Variants in KIAA1217 observed in about 807,000 individuals in gnomAD.
KIAA1217 encodes sickle tail protein homolog.
KIAA1217 carries 88 observed loss-of-function variants against 163.9 expected under a neutral mutation model. That is an observed-to-expected ratio of 0.54 (90% CI 0.45 to 0.64). KIAA1217 has a LOEUF of 0.64. KIAA1217 is among the 30% of genes least tolerant of loss of function. The pLI is 0.00. For missense variants in KIAA1217, 2,372 were observed against 2,475.0 expected, an observed-to-expected ratio of 0.96 and a Z score of 0.88; for synonymous variants, 903 against 923.1, an observed-to-expected ratio of 0.98 and a Z score of 0.39.
Position 24,546,925 on chromosome 10 carries a change from C to T in KIAA1217, c.*601C>T, listed in dbSNP as rs111565805. ...TAAAACCAATGAACTTCTACATGAG[C>T]CCTACAGACAGGCATGTGTAGAAGG... On this transcript the variant is annotated 3_prime_UTR_variant, in exon 21 of 21. Coordinates refer to ENST00000376454, the MANE Select transcript of KIAA1217 (RefSeq NM_019590.5). 9.2e-5 allele frequency: 14 copies of T among 152,670 alleles called. No individual in the cohort carries two copies. The highest frequency in any genetic ancestry group is 3.1e-4 in the African/African-American group (13 of 41,526). The allele number at this position is 152,670 out of a possible 1,614,324, so 9.5% of individuals were successfully genotyped here. A position where few individuals can be genotyped will look rare whatever the true frequency, so the allele number is the denominator to read the frequency against.
intron 2 of KIAA1217, among the ~76,000 whole-genome samples, chr10:24,063,068 A>C (rs1357205930): frequency 4.0e-5 from 6 of 150,906 alleles, no homozygotes; most frequent in Non-Finnish European, 5.9e-5. Context: ...GGTTGCAAAA[A>C]TTTTCTCCCA....
chr10:23,928,993 A>T (rs150269022), intron 1 of KIAA1217, among the ~76,000 whole-genome samples: 1 of 152,306 alleles, frequency 6.6e-6, no homozygotes, highest in African/African-American at 2.4e-5. Flanking sequence ...CAGAGGTTCC[A>T]GCGTACACAA....
chr10:24,004,136 C>G (rs1045555204), intron 1 of KIAA1217, among the ~76,000 whole-genome samples: 1 of 152,028 alleles, frequency 6.6e-6, no homozygotes, highest in Non-Finnish European at 1.5e-5. Context: ...CACACCACCA[C>G]GCCTGGCTAA....
chr10:24,011,663 G>A (rs1847240815), intron 2 of KIAA1217, among the ~76,000 whole-genome samples: 1 of 152,102 alleles, frequency 6.6e-6, no homozygotes, highest in Non-Finnish European at 1.5e-5. Flanking sequence ...AGGGAAAATG[G>A]AACTCTCAAC....
At chr10:23,755,126 G>A (rs906830785) in intron 1 of KIAA1217, among the ~76,000 whole-genome samples, 3 of 152,118 alleles carry the variant, frequency 2.0e-5, no homozygotes, top group Admixed American at 6.5e-5. Flanking sequence ...CACGGCGGAC[G>A]CTTCCAAGCC....
intron 1 of KIAA1217, among the ~76,000 whole-genome samples, chr10:23,985,709 G>T (rs11013827): frequency 0.085 from 12,859 of 152,148 alleles, 1,288 homozygotes; most frequent in African/African-American, 0.24. Flanking sequence ...TGGTTTTCTT[G>T]GTTCTTTGGG....
chr10:24,413,571 A>G (rs1196181229), intron 3 of KIAA1217, among the ~76,000 whole-genome samples: 3 of 152,164 alleles, frequency 2.0e-5, no homozygotes, highest in African/African-American at 7.2e-5. Flanking sequence ...TCAAGAGCAC[A>G]AGGGCCTCCA....
At chr10:24,205,176 C>T (rs2067475910), upstream of KIAA1217, among the ~76,000 whole-genome samples, 1 of 151,948 alleles carries the variant, frequency 6.6e-6, no homozygotes. Context: ...ATAGGCCAGG[C>T]ACAGTGGCTC....
At chr10:23,778,490 A>T (rs1198160987) in intron 1 of KIAA1217, among the ~76,000 whole-genome samples, 1 of 152,182 alleles carries the variant, frequency 6.6e-6, no homozygotes, top group African/African-American at 2.4e-5. Context: ...TTTATGGTGG[A>T]TAAGGGGAAA....
At chr10:23,803,403 C>A (rs1836569048) in intron 1 of KIAA1217, among the ~76,000 whole-genome samples, 1 of 152,214 alleles carries the variant, frequency 6.6e-6, no homozygotes, top group Non-Finnish European at 1.5e-5. Flanking sequence ...CGTCCTATGA[C>A]CGCTCAAGGC....
At chr10:24,075,117 A>AAC (rs1393662101) in intron 2 of KIAA1217, among the ~76,000 whole-genome samples, 2 of 104,370 alleles carry the variant, frequency 1.9e-5, no homozygotes, top group African/African-American at 4.5e-5. Flanking sequence ...GTTCCCCCTA[A>AAC]ATACACACAC....
At chr10:24,111,991 G>C (rs1440747986) in intron 2 of KIAA1217, among the ~76,000 whole-genome samples, 1 of 152,062 alleles carries the variant, frequency 6.6e-6, no homozygotes, top group African/African-American at 2.4e-5. Context: ...TGTAGAGACA[G>C]GGTCTCACTA....
chr10:23,995,028 G>T (rs994945234), intron 1 of KIAA1217, among the ~76,000 whole-genome samples: 3 of 152,162 alleles, frequency 2.0e-5, no homozygotes, highest in African/African-American at 7.2e-5. Flanking sequence ...GTCTTTTAAA[G>T]TGTTGCCTCC....
At chr10:24,500,631 G>A (rs1054774675) in intron 8 of KIAA1217, among the ~76,000 whole-genome samples, 2 of 152,152 alleles carry the variant, frequency 1.3e-5, no homozygotes, top group African/African-American at 2.4e-5. Flanking sequence ...TCCCCTTGGC[G>A]ATTGGCTGAA....
chr10:23,710,926 A>T (rs1421374033), intron 1 of KIAA1217, among the ~76,000 whole-genome samples: 1 of 152,230 alleles, frequency 6.6e-6, no homozygotes, highest in East Asian at 1.9e-4. Flanking sequence ...TGCTAGCCAG[A>T]TAGAAAATGA....
intron 2 of KIAA1217, among the ~76,000 whole-genome samples, chr10:24,065,398 T>G (rs1222463482): frequency 7.2e-5 from 11 of 152,172 alleles, no homozygotes; most frequent in East Asian, 5.8e-4. Flanking sequence ...ATTTCGTTAT[T>G]TACCCAGTAG....
chr10:23,783,109 G>T (rs1191663951), intron 1 of KIAA1217, among the ~76,000 whole-genome samples: 1 of 152,070 alleles, frequency 6.6e-6, no homozygotes, highest in African/African-American at 2.4e-5. Context: ...CAATCTTTTG[G>T]CTTCCCTGGG....
intron 1 of KIAA1217, among the ~76,000 whole-genome samples, chr10:23,927,325 G>GGGGTGTGTGTGT (rs71506821): frequency 1.4e-5 from 2 of 143,092 alleles, no homozygotes; most frequent in African/African-American, 5.1e-5. Context: ...CAAGTCATAG[G>GGGGTGTGTGTGT]GTGTGTGTGT....
intron 3 of KIAA1217, among the ~76,000 whole-genome samples, chr10:24,399,066 A>G (rs901575583): frequency 1.4e-4 from 21 of 152,186 alleles, no homozygotes; most frequent in African/African-American, 4.1e-4. Flanking sequence ...GCTGCCTACC[A>G]TAATAATAGA....
Sources: allele counts gnomAD v4.1 joint callset (sites outside exome capture counted in the v4.1 genomes callset), GRCh38; gene constraint gnomAD v4.1.1; transcripts MANE v1.5; gene names NCBI Gene and HGNC (gene_info 2026-07-23, HGNC 2026-07-21).